Variants in SLC35F4 observed in about 807,000 individuals in gnomAD.
The protein encoded by SLC35F4 is chromosome 14 open reading frame 36.
Under a neutral mutation model 44.2 loss-of-function variants are expected in SLC35F4, and 24 were observed. The observed-to-expected ratio is 0.54, with a 90% CI of 0.39 to 0.76. The LOEUF (loss-of-function observed/expected upper bound fraction) is 0.76, where lower values mean the gene tolerates loss of function less well. Ranked by LOEUF, SLC35F4 falls within the 30% of genes least tolerant of loss-of-function variation. The pLI is 0.00. For synonymous variants in SLC35F4, 238 were observed against 223.6 expected, an observed-to-expected ratio of 1.06 and a Z score of -0.57; for missense variants, 562 against 586.1, an observed-to-expected ratio of 0.96 and a Z score of 0.42.
At chr14:57,775,088 G>A (rs559311871) in intron 1 of SLC35F4, among the ~76,000 whole-genome samples, 2 of 152,254 alleles carry the variant, frequency 1.3e-5, no homozygotes, top group South Asian at 2.1e-4. Flanking sequence ...GACCTCCTGA[G>A]TGAATGCACA....
chr14:57,891,891 T>A (rs1263133130), intron 1 of SLC35F4, among the ~76,000 whole-genome samples: 1 of 152,088 alleles, frequency 6.6e-6, no homozygotes, highest in Non-Finnish European at 1.5e-5. Context: ...ACAAAAAAGA[T>A]TCTTTCTTAA....
intron 1 of SLC35F4, among the ~76,000 whole-genome samples, chr14:57,706,886 A>G (rs1308309986): frequency 6.6e-6 from 1 of 152,228 alleles, no homozygotes; most frequent in Admixed American, 6.5e-5. Flanking sequence ...GAAGCTATTG[A>G]AGGGCTTTGA....
At chr14:57,656,675 T>G (rs2073984084) in intron 1 of SLC35F4, among the ~76,000 whole-genome samples, 1 of 152,118 alleles carries the variant, frequency 6.6e-6, no homozygotes, top group South Asian at 2.1e-4. Context: ...TAACAGGACG[T>G]ACCTCAACAC....
chr14:57,959,265 T>C (rs1890299080), intron 1 of SLC35F4, among the ~76,000 whole-genome samples: 1 of 152,228 alleles, frequency 6.6e-6, no homozygotes, highest in Admixed American at 6.5e-5. Flanking sequence ...TCACCTTCTA[T>C]TATGGCTTCT....
intron 1 of SLC35F4, among the ~76,000 whole-genome samples, chr14:57,824,164 G>T (rs1883474770): frequency 6.6e-6 from 1 of 152,086 alleles, no homozygotes; most frequent in African/African-American, 2.4e-5. Context: ...ATGACACCGA[G>T]AATCCAGAAT....
intron 1 of SLC35F4, among the ~76,000 whole-genome samples, chr14:57,752,411 C>G (rs2076905241): frequency 6.6e-6 from 1 of 151,744 alleles, no homozygotes; most frequent in African/African-American, 2.4e-5. Context: ...TCGGTCGGCT[C>G]TGCTAGGACA....
chr14:57,703,507 G>T (rs2075594269), intron 1 of SLC35F4, among the ~76,000 whole-genome samples: 1 of 152,152 alleles, frequency 6.6e-6, no homozygotes, highest in African/African-American at 2.4e-5. Context: ...AAGGGCTAAT[G>T]GTAGTGGCAA....
intron 1 of SLC35F4, among the ~76,000 whole-genome samples, chr14:57,961,724 C>A (rs1890342887): frequency 6.6e-6 from 1 of 152,176 alleles, no homozygotes; most frequent in Admixed American, 6.5e-5. Flanking sequence ...AGGCCCATCC[C>A]CTGGATCTTT....
At chr14:57,897,046 A>T (rs8009746) in intron 1 of SLC35F4, among the ~76,000 whole-genome samples, 46,372 of 152,108 alleles carry the variant, frequency 0.3, 7,856 homozygotes, top group East Asian at 0.5. Flanking sequence ...ACTGTGAGTT[A>T]AATGAATTTA....
At chr14:57,854,431 G>T (rs1336456278) in intron 1 of SLC35F4, among the ~76,000 whole-genome samples, 2 of 152,012 alleles carry the variant, frequency 1.3e-5, no homozygotes, top group Non-Finnish European at 2.9e-5. Flanking sequence ...TTACATTTGT[G>T]GCTACATACA....
chr14:57,849,916 A>T lies in SLC35F4; in HGVS notation c.103+15807T>A, dbSNP rs1439211417. Among the ~76,000 whole-genome samples the T allele has an allele frequency of 5.9e-5, 9 of 152,308 alleles. No individual in the cohort carries two copies. The East Asian group carries it at 1.2e-3, about 20-fold the overall frequency. ...ACACACCCCTGAGGAAACTTTGGAA[A>T]CCAGTACGTCTTGGTAAAGGATACA... On this transcript the variant is annotated intron_variant, in intron 1 of 7. Transcript: ENST00000556826.
chr14:57,630,814 C>A, intron 1 of SLC35F4: 2 of 611,780 alleles, frequency 3.3e-6, no homozygotes, highest in Non-Finnish European at 4.5e-6. Flanking sequence ...TTTCCCTGTA[C>A]CAGGCAATGA....
rs1271770820 is a variant in SLC35F4 at position 57,593,934 on chromosome 14, C to A, written c.289+5G>T. The A allele has an allele frequency of 1.2e-6, 2 of 1,613,278 alleles. No individual in the cohort carries two copies. The highest frequency in any genetic ancestry group is 1.7e-6 in the Non-Finnish European group (2 of 1,179,634). On this transcript the variant is annotated splice_donor_5th_base_variant and intron_variant, in intron 2 of 7. Transcript: ENST00000556826. Reference sequence around the variant, plus strand: ...CCGTTATTTAAGAGGAGGTCACCCACATACCTGATCTGTTCTGTCTCTCAA... The same window carrying A: ...CCGTTATTTAAGAGGAGGTCACCCAAATACCTGATCTGTTCTGTCTCTCAA...
intron 1 of SLC35F4, among the ~76,000 whole-genome samples, chr14:57,878,339 A>G (rs879564475): frequency 3.9e-5 from 6 of 152,152 alleles, no homozygotes; most frequent in Non-Finnish European, 8.8e-5. Context: ...TTTTCTAACC[A>G]TAGCCAACCT....
At chr14:57,881,905 G>A (rs1302522039) in intron 1 of SLC35F4, among the ~76,000 whole-genome samples, 1 of 152,044 alleles carries the variant, frequency 6.6e-6, no homozygotes, top group East Asian at 1.9e-4. Context: ...TTATTTCCAC[G>A]CCTCTTTTCC....
At chr14:57,587,830 A>G (rs927851071) in intron 3 of SLC35F4, among the ~76,000 whole-genome samples, 3 of 149,450 alleles carry the variant, frequency 2.0e-5, no homozygotes, top group Non-Finnish European at 4.4e-5. Context: ...AACATTCTTC[A>G]AGGCCAAATG....
intron 1 of SLC35F4, among the ~76,000 whole-genome samples, chr14:57,654,114 T>G (rs1156980937): frequency 1.3e-5 from 2 of 152,198 alleles, no homozygotes; most frequent in African/African-American, 2.4e-5. Context: ...TCATCCAGTA[T>G]GGCTTCGTTT....
chr14:57,894,699 A>G (rs921344510), intron 1 of SLC35F4, among the ~76,000 whole-genome samples: 1 of 152,134 alleles, frequency 6.6e-6, no homozygotes, highest in Non-Finnish European at 1.5e-5. Flanking sequence ...ACTTATATTC[A>G]TGGAATAATT....
chr14:57,584,750 C>A (rs913363708), intron 3 of SLC35F4, among the ~76,000 whole-genome samples: 11 of 151,944 alleles, frequency 7.2e-5, no homozygotes, highest in African/African-American at 2.4e-4. Flanking sequence ...TAGCAGCAGT[C>A]TCTTGTTTTA....
Sources: gnomAD v4.1 joint callset for allele counts (sites outside exome capture counted in the v4.1 genomes callset) on GRCh38, gnomAD v4.1.1 for gene constraint, MANE v1.5 for transcripts, NCBI Gene and HGNC (gene_info 2026-07-23, HGNC 2026-07-21) for gene names.